The following SCFD2 variants were observed in gnomAD, a reference collection of about 807,000 sequenced individuals.
The protein encoded by SCFD2 is sec1 family domain-containing protein 2.
Under a neutral mutation model 58.9 loss-of-function variants are expected in SCFD2, and 54 were observed. That is an observed-to-expected ratio of 0.92 (90% confidence interval 0.74 to 1.15). The LOEUF (loss-of-function observed/expected upper bound fraction) is 1.15, where lower values mean the gene tolerates loss of function less well. SCFD2 is among the 50% of genes most tolerant of loss of function. The pLI is 0.00. For missense variants in SCFD2, 805 were observed against 836.6 expected, an observed-to-expected ratio of 0.96 and a Z score of 0.47; for synonymous variants, 321 against 335.9, an observed-to-expected ratio of 0.96 and a Z score of 0.49.
chr4:53,010,684 A>G (rs1340555733), intron 5 of SCFD2, among the ~76,000 whole-genome samples: 1 of 152,224 alleles, frequency 6.6e-6, no homozygotes, highest in Admixed American at 6.5e-5. Context: ...ACAAAGAAAC[A>G]TTTTGGAAGA....
intron 4 of SCFD2, among the ~76,000 whole-genome samples, chr4:53,193,999 A>G (rs1257729502): frequency 6.6e-6 from 1 of 152,216 alleles, no homozygotes; most frequent in Non-Finnish European, 1.5e-5. Flanking sequence ...TGCTATAATT[A>G]CACCACTTCT....
chr4:53,268,969 G>C (rs1440714457), intron 4 of SCFD2, among the ~76,000 whole-genome samples: 1 of 152,104 alleles, frequency 6.6e-6, no homozygotes, highest in Admixed American at 6.5e-5. Context: ...TCAGAGAAGG[G>C]GGGTGCAATT....
intron 5 of SCFD2, among the ~76,000 whole-genome samples, chr4:53,012,341 ATCTCTC>A (rs368371321): frequency 9.7e-5 from 14 of 144,596 alleles, no homozygotes; most frequent in Admixed American, 4.1e-4. Flanking sequence ...TTAGCATAAA[ATCTCTC>A]TCTCTCTTTC....
intron 2 of SCFD2, among the ~76,000 whole-genome samples, chr4:53,341,411 A>G (rs1470382423): frequency 1.3e-5 from 2 of 152,206 alleles, no homozygotes; most frequent in Non-Finnish European, 2.9e-5. Flanking sequence ...TAGAGAAAAA[A>G]GAGTGAGAAG....
chr4:53,274,378 AG>A (rs1731266831), intron 3 of SCFD2, among the ~76,000 whole-genome samples: 1 of 152,198 alleles, frequency 6.6e-6, no homozygotes, highest in South Asian at 2.1e-4. Context: ...GCAATCTAAG[AG>A]GGAAAAAGAT....
intron 7 of SCFD2, among the ~76,000 whole-genome samples, chr4:52,887,976 T>A (rs1718781645): frequency 7.1e-6 from 1 of 140,010 alleles, no homozygotes; most frequent in South Asian, 2.3e-4. Flanking sequence ...AGTGGTGCGA[T>A]CTCGGCTCAC....
At chr4:53,037,316 T>C (rs911993141) in intron 5 of SCFD2, among the ~76,000 whole-genome samples, 2 of 152,152 alleles carry the variant, frequency 1.3e-5, no homozygotes, top group Non-Finnish European at 2.9e-5. Flanking sequence ...AGGAATTATA[T>C]AGGAAAAATT....
chr4:53,061,424 G>A (rs1723506549), intron 5 of SCFD2, among the ~76,000 whole-genome samples: 2 of 152,160 alleles, frequency 1.3e-5, no homozygotes, highest in Non-Finnish European at 2.9e-5. Flanking sequence ...CAAGTAGCCT[G>A]TATCCAGAGC....
At chr4:53,217,913 G>T (rs1309888967) in intron 4 of SCFD2, among the ~76,000 whole-genome samples, 1 of 152,150 alleles carries the variant, frequency 6.6e-6, no homozygotes, top group East Asian at 1.9e-4. Flanking sequence ...GCTTAGTTTG[G>T]CTGGATATGA....
At chr4:53,164,234 C>T (rs1726936920) in intron 4 of SCFD2, among the ~76,000 whole-genome samples, 1 of 152,090 alleles carries the variant, frequency 6.6e-6, no homozygotes, top group Non-Finnish European at 1.5e-5. Flanking sequence ...ATTTATGTTC[C>T]TCTAAAGATT....
chr4:53,168,320 A>G (rs537964174), intron 4 of SCFD2, among the ~76,000 whole-genome samples: 1 of 152,194 alleles, frequency 6.6e-6, no homozygotes, highest in African/African-American at 2.4e-5. Context: ...GCTTCAAAGG[A>G]GAAGCCAAGC....
chr4:53,162,889 TAA>T (rs1208031157), intron 4 of SCFD2, among the ~76,000 whole-genome samples: 7 of 151,318 alleles, frequency 4.6e-5, no homozygotes, highest in Admixed American at 2.0e-4. Flanking sequence ...AATAAATAAA[TAA>T]AAATAAAAGC....
chr4:53,254,498 G>C (rs1201024397), intron 4 of SCFD2, among the ~76,000 whole-genome samples: 1 of 144,608 alleles, frequency 6.9e-6, no homozygotes, highest in Non-Finnish European at 1.5e-5. Context: ...TTTTTTTTTT[G>C]TTTTATTTTA....
chr4:53,081,962 C>T (rs76281695), intron 5 of SCFD2, among the ~76,000 whole-genome samples: 2,558 of 152,146 alleles, frequency 0.017, 77 homozygotes, highest in African/African-American at 0.059. Flanking sequence ...CAATAAGTGG[C>T]CTTTTATGTG....
At chr4:53,034,476 C>T (rs1373391513) in intron 5 of SCFD2, among the ~76,000 whole-genome samples, 1 of 152,174 alleles carries the variant, frequency 6.6e-6, no homozygotes, top group African/African-American at 2.4e-5. Context: ...CTGGCCAGGG[C>T]AATCAGGCAA....
chr4:53,361,648 C>T lies in SCFD2; in HGVS notation c.838+3456G>A, dbSNP rs533909520. 9.8e-5 allele frequency among the ~76,000 whole-genome samples: 15 copies of T among 152,304 alleles called. No homozygotes were observed. In the South Asian group the frequency reaches 3.1e-3, roughly 32 times the overall value. ...CTAGGCTCCAGTGATTCACCAGCCT[C>T]AGCCTGGAATTACAGGCATGAGCCA... On this transcript the variant is annotated intron_variant, in intron 1 of 8. Coordinates refer to ENST00000401642, the MANE Select transcript of SCFD2 (RefSeq NM_152540.4).
chr4:52,975,113 A>G (rs1224425029), intron 5 of SCFD2, among the ~76,000 whole-genome samples: 1 of 152,214 alleles, frequency 6.6e-6, no homozygotes, highest in Non-Finnish European at 1.5e-5. Flanking sequence ...GGCATGGGCA[A>G]GGACTTCATG....
chr4:53,303,869 G>A (rs537706869), intron 3 of SCFD2, among the ~76,000 whole-genome samples: 5 of 147,228 alleles, frequency 3.4e-5, no homozygotes, highest in South Asian at 2.2e-4. Flanking sequence ...ACCAAACACC[G>A]CATGTTCTCA....
At chr4:53,300,659 C>G (rs1577947594) in intron 3 of SCFD2, among the ~76,000 whole-genome samples, 1 of 152,190 alleles carries the variant, frequency 6.6e-6, no homozygotes, top group Non-Finnish European at 1.5e-5. Context: ...CTTTTCAGCA[C>G]CACACCACAC....
Sources: allele counts gnomAD v4.1 joint callset (sites outside exome capture counted in the v4.1 genomes callset), GRCh38; gene constraint gnomAD v4.1.1; transcripts MANE v1.5; gene names NCBI Gene and HGNC (gene_info 2026-07-23, HGNC 2026-07-21).